The following MDM4 variants were observed in gnomAD, a reference collection of about 807,000 sequenced individuals.
The protein encoded by MDM4 is protein Mdm4.
MDM4 carries 2 observed loss-of-function variants against 60.2 expected under a neutral mutation model. The ratio of observed to expected loss-of-function variants is 0.03; its 90% CI spans 0.01 to 0.10. The LOEUF is 0.10. Among genes scored for constraint, MDM4 ranks in the 10% least tolerant of loss-of-function variants. The pLI is 1.00. For missense variants in MDM4, 447 were observed against 577.5 expected (o/e 0.77, Z 2.32); for synonymous variants, 202 against 198.1 (o/e 1.02, Z -0.17).
intron 2 of MDM4, among the ~76,000 whole-genome samples, chr1:204,525,965 G>C (rs1660091735): frequency 6.6e-6 from 1 of 151,910 alleles, no homozygotes; most frequent in South Asian, 2.1e-4. Context: ...TAGGGGAGGT[G>C]GGGGTTGTGC....
intron 9 of MDM4, among the ~76,000 whole-genome samples, chr1:204,546,043 T>C (rs756776633): frequency 2.3e-4 from 35 of 152,204 alleles, no homozygotes; most frequent in Non-Finnish European, 3.2e-4. Flanking sequence ...TCTGTGGGCA[T>C]GTTTTTATAG....
chr1:204,554,620 G>GA lies in MDM4; in HGVS notation c.*4940dup, dbSNP rs1663425309. 4.4e-6 allele frequency: 1 copy of GA among 227,244 alleles called. No homozygotes were observed. The highest frequency in any genetic ancestry group is 2.2e-5 in the African/African-American group (1 of 45,010). The allele number at this position is 227,244 out of a possible 1,614,324, so 14.1% of individuals were successfully genotyped here. The stretch of plus-strand genomic sequence containing the variant: ...TATCAGACTTGTGAGTAAACAAGTT[G>GA]AAGTTTAGCAGATGAGGGGGAATAT... On this transcript the variant is annotated 3_prime_UTR_variant, in exon 11 of 11. Transcript: ENST00000367182.
chr1:204,539,715 T>G (rs1661833635), intron 7 of MDM4, among the ~76,000 whole-genome samples: 1 of 151,742 alleles, frequency 6.6e-6, no homozygotes, highest in Non-Finnish European at 1.5e-5. Flanking sequence ...TTTTGTATTC[T>G]TAGTAGAGAC....
In MDM4 at chr1:204,532,978, CCTGT is replaced by C. The variant is rs765949004; in HGVS notation, c.343+735_343+738del. ...TCACATCAGAGTCATGTAAGGTCTGCCTGTCTATTTTAGTCAGTCATGTTAATAA... is the reference window on the plus strand; with the variant it reads ...TCACATCAGAGTCATGTAAGGTCTGCCTATTTTAGTCAGTCATGTTAATAA... On this transcript the variant is annotated intron_variant, in intron 5 of 10. Coordinates refer to ENST00000367182, the MANE Select transcript of MDM4 (RefSeq NM_002393.5). 5.3e-5 allele frequency among the ~76,000 whole-genome samples: 8 copies of C among 152,182 alleles called. No homozygotes were observed. In the East Asian group the frequency reaches 5.8e-4, roughly 11 times the overall value.
chr1:204,541,866 C>T (rs968776219), intron 7 of MDM4, among the ~76,000 whole-genome samples: 5 of 152,182 alleles, frequency 3.3e-5, no homozygotes, highest in African/African-American at 1.2e-4. Flanking sequence ...GAAATTCTTT[C>T]ACCATATGTA....
intron 5 of MDM4, among the ~76,000 whole-genome samples, chr1:204,533,471 C>T (rs1182822087): frequency 1.3e-5 from 2 of 152,164 alleles, no homozygotes; most frequent in African/African-American, 2.4e-5. Flanking sequence ...ATTCTCCCAC[C>T]TCAGCCTCCC....
intron 9 of MDM4, 129 bp from the exon 10 acceptor site, chr1:204,546,668 C>G: frequency 1.6e-6 from 1 of 612,572 alleles, no homozygotes; most frequent in Non-Finnish European, 2.9e-6. Context: ...TTTAAGCTGT[C>G]TCCTTAAGTG....
rs1663436264 is a variant in MDM4 at position 204,554,905 on chromosome 1, G to A, written c.*5223G>A. The A allele has an allele frequency of 8.9e-6, 2 of 224,198 alleles. No homozygotes were observed. Among genetic ancestry groups the A allele is most frequent in the Non-Finnish European group, 1.8e-5 (2 of 112,570 alleles). 13.9% of individuals were successfully genotyped at this position (224,198 alleles called of 1,614,324 possible). A position where few individuals can be genotyped will look rare whatever the true frequency, so the allele number is the denominator to read the frequency against. ...GCCATTATTGGTAATGCCGTTATTG[G>A]TGAATACAGCATAGTTAAATAAACT... On this transcript the variant is annotated 3_prime_UTR_variant, in exon 11 of 11. Transcript: ENST00000367182.
intron 3 of MDM4, among the ~76,000 whole-genome samples, chr1:204,528,080 T>TC (rs1420828121): frequency 6.6e-6 from 1 of 151,796 alleles, no homozygotes; most frequent in Non-Finnish European, 1.5e-5. Flanking sequence ...TGGAATTTTT[T>TC]TTTTTTTTTT....
intron 6 of MDM4, chr1:204,537,900 A>G (rs1196643785): frequency 1.5e-6 from 1 of 680,986 alleles, no homozygotes; most frequent in Non-Finnish European, 2.8e-6. Context: ...AGGGTTTCAT[A>G]TGTTTTCTGA....
At chr1:204,531,395 T>C (rs2102355699) in intron 4 of MDM4, among the ~76,000 whole-genome samples, 1 of 152,328 alleles carries the variant, frequency 6.6e-6, no homozygotes, top group East Asian at 1.9e-4. Flanking sequence ...ACAGTAGGGC[T>C]AACCTGACCT....
rs139541595 is a variant in MDM4 at position 204,549,286 on chromosome 1, C to T, written c.1077C>T (p.Val359=). The change falls in exon 11 of 11, where the codon GTC becomes GTT. Residue 359 remains valine, a synonymous_variant. Coordinates refer to ENST00000367182, the MANE Select transcript of MDM4 (RefSeq NM_002393.5). ...AAAAGGAAAATGAAGGAAATGATGT[C>T]CCTGATTGTCGAAGAACCATTTCGG... The part of the protein sequence containing the change: ...IPEKENEGND[V]PDCRRTISAP... The T allele has an allele frequency of 6.2e-7, 1 of 1,614,142 alleles. No homozygotes were observed.
At chr1:204,526,724 A>G (rs1414723147) in intron 3 of MDM4, among the ~76,000 whole-genome samples, 2 of 152,112 alleles carry the variant, frequency 1.3e-5, no homozygotes, top group Admixed American at 1.3e-4. Context: ...TGGCCTCCCA[A>G]AGTGCTGGGA....
intron 7 of MDM4, 103 bp downstream of exon 7, chr1:204,538,411 A>G: frequency 1.5e-6 from 1 of 682,250 alleles, no homozygotes; most frequent in Non-Finnish European, 2.6e-6. Context: ...ATATGTCACA[A>G]TTTCTCATCC....
At chr1:204,543,159 C>G (rs1421435046) in intron 8 of MDM4, among the ~76,000 whole-genome samples, 1 of 152,176 alleles carries the variant, frequency 6.6e-6, no homozygotes, top group African/African-American at 2.4e-5. Context: ...ATTTAACTAA[C>G]AACTCTACTT....
Position 204,532,244 on chromosome 1 carries a change from C to G in MDM4, c.341C>G (p.Thr114Arg). 6.3e-7 allele frequency: 1 copy of G among 1,581,042 alleles called. No homozygotes were observed. The highest frequency in any genetic ancestry group is 8.7e-7 in the Non-Finnish European group (1 of 1,150,742). Residue 114 changes from threonine (T) to arginine (R), a missense_variant and splice_region_variant, in exon 5 of 11, where the codon ACA (threonine) becomes AGA (arginine). This residue lies in a region of MDM4 where 23 missense variants were observed against 22.1 expected (regional missense o/e 1.04). Transcript: ENST00000367182. The part of the protein sequence containing the change: ...KNLVTLATAT[T>R]DAAQTLALAQ... ...CTTGTCACTTTAGCCACTGCTACTA[C>G]AGGTATGTCACATCATATTTCTTCA...
chr1:204,524,498 G>C (rs561267912), intron 1 of MDM4, among the ~76,000 whole-genome samples: 1 of 152,248 alleles, frequency 6.6e-6, no homozygotes, highest in Non-Finnish European at 1.5e-5. Flanking sequence ...CTATTTTCCG[G>C]CTGGGCATGG....
In MDM4 at chr1:204,550,751, C is replaced by T. The variant is rs1313833064; in HGVS notation, c.*1069C>T. On this transcript the variant is annotated 3_prime_UTR_variant, in exon 11 of 11. Coordinates refer to ENST00000367182, the MANE Select transcript of MDM4 (RefSeq NM_002393.5). ...GTCTCGTTATGTTGCCCAGGCTGGT[C>T]TCGAACTCCTGGGTTTAAGTGATTC... 1.1e-5 allele frequency: 2 copies of T among 174,462 alleles called. No individual in the cohort carries two copies. The highest frequency in any genetic ancestry group is 4.8e-5 in the African/African-American group (2 of 41,866). 10.8% of individuals were successfully genotyped at this position (174,462 alleles called of 1,614,324 possible). A position where few individuals can be genotyped will look rare whatever the true frequency, so the allele number is the denominator to read the frequency against.
Position 204,529,391 on chromosome 1 carries a change from C to G in MDM4, c.154-1293C>G, listed in dbSNP as rs559849285. On this transcript the variant is annotated intron_variant, in intron 3 of 10. Coordinates refer to ENST00000367182, the MANE Select transcript of MDM4 (RefSeq NM_002393.5). ...CACCCTGTCCATGAGGCCTGGGCTG[C>G]TGGGCACCGTAGGAATTTGGAGGTG... The G allele has an allele frequency of 1.8e-5, 20 of 1,108,864 alleles. No individual in the cohort carries two copies. In the East Asian group the frequency reaches 4.2e-4, roughly 24 times the overall value. 68.7% of individuals were successfully genotyped at this position (1,108,864 alleles called of 1,614,324 possible). A position where few individuals can be genotyped will look rare whatever the true frequency, so the allele number is the denominator to read the frequency against.
Sources: gnomAD v4.1 joint callset for allele counts (sites outside exome capture counted in the v4.1 genomes callset) on GRCh38, gnomAD v4.1.1 for gene constraint, gnomAD v4.1.1 regional missense constraint, MANE v1.5 for transcripts, NCBI Gene and HGNC (gene_info 2026-07-23, HGNC 2026-07-21) for gene names.